Variants in GDAP2 observed in about 807,000 individuals in gnomAD.
The protein encoded by GDAP2 is ganglioside-induced differentiation-associated protein 2.
In GDAP2, 51 loss-of-function variants were observed where a neutral mutation model predicts 67.0. The ratio of observed to expected loss-of-function variants is 0.76; its 90% CI spans 0.61 to 0.96. The LOEUF is 0.96. Ranked by LOEUF, GDAP2 falls within the 40% of genes least tolerant of loss-of-function variation. The probability of loss-of-function intolerance (pLI) is 0.00; values close to 1 mark genes in which losing one functional copy is unlikely to be tolerated. For synonymous variants in GDAP2, 203 were observed against 207.3 expected (o/e 0.98, Z 0.18); for missense variants, 547 against 588.3 (o/e 0.93, Z 0.73).
chr1:117,884,730 G>A (rs1648786589), intron 10 of GDAP2, among the ~76,000 whole-genome samples: 1 of 152,032 alleles, frequency 6.6e-6, no homozygotes, highest in South Asian at 2.1e-4. Context: ...TTATGAAAAT[G>A]AGGGTCACAC....
intron 5 of GDAP2, among the ~76,000 whole-genome samples, chr1:117,910,920 T>C (rs923149580): frequency 6.6e-6 from 1 of 152,246 alleles, no homozygotes; most frequent in Non-Finnish European, 1.5e-5. Flanking sequence ...ATGCAAATTC[T>C]GTATTTATGC....
intron 5 of GDAP2, among the ~76,000 whole-genome samples, chr1:117,911,276 G>T (rs1450501840): frequency 1.3e-5 from 2 of 152,094 alleles, no homozygotes; most frequent in Non-Finnish European, 2.9e-5. Flanking sequence ...TGACATACAG[G>T]CATTTGGCTC....
chr1:117,887,850 C>A (rs1648921094), intron 8 of GDAP2, 76 bp from the exon 9 acceptor site: 3 of 840,548 alleles, frequency 3.6e-6, no homozygotes, highest in South Asian at 1.5e-5. Context: ...ATTTTTAATA[C>A]CCTTCCCTGA....
chr1:117,909,665 C>G (rs1649782762), intron 5 of GDAP2, among the ~76,000 whole-genome samples: 1 of 152,120 alleles, frequency 6.6e-6, no homozygotes, highest in Non-Finnish European at 1.5e-5. Flanking sequence ...CCTAATAAGT[C>G]AAATGTGCCC....
chr1:117,907,978 C>T (rs1649718090), intron 5 of GDAP2, among the ~76,000 whole-genome samples: 1 of 152,094 alleles, frequency 6.6e-6, no homozygotes, highest in South Asian at 2.1e-4. Context: ...ATTATTCCTC[C>T]CACATCTTAT....
intron 3 of GDAP2, among the ~76,000 whole-genome samples, chr1:117,918,387 T>C (rs1027445819): frequency 2.0e-5 from 3 of 152,196 alleles, no homozygotes; most frequent in South Asian, 4.1e-4. Context: ...GTTTTACTGG[T>C]AGTAAATTCT....
In GDAP2 at chr1:117,878,281, G is replaced by A. The variant is rs188252234; in HGVS notation, c.1303-129C>T. ...TTAAAATAACTAGTGTTTTCAAAGC[G>A]CAATCTGAATTTTGCAATCATCAGT... is the stretch of plus-strand genomic sequence containing the variant. On this transcript the variant is annotated intron_variant, in intron 12 of 13. Coordinates refer to ENST00000369443, the MANE Select transcript of GDAP2 (RefSeq NM_017686.4). The A allele has an allele frequency of 9.9e-4, 519 of 522,084 alleles. 4 individuals carry two copies. The Admixed American group carries it at 0.016, about 16-fold the overall frequency. The allele number at this position is 522,084 out of a possible 1,614,324, so 32.3% of individuals were successfully genotyped here. A position where few individuals can be genotyped will look rare whatever the true frequency, so the allele number is the denominator to read the frequency against.
At position 117,867,097 on chromosome 1, in the gene GDAP2, G is replaced by A. The variant is rs1391138548; in HGVS notation, c.*3472C>T. On this transcript the variant is annotated 3_prime_UTR_variant, in exon 14 of 14. Transcript: ENST00000369443. ...TCAATGTATCGGGGAAATACAAAGA[G>A]TGATCTTTAGTTTATGCTGAATACT... 6.6e-6 allele frequency: 1 copy of A among 152,040 alleles called. No homozygotes were observed. The highest frequency in any genetic ancestry group is 2.1e-4 in the South Asian group (1 of 4,826). 9.4% of individuals were successfully genotyped at this position (152,040 alleles called of 1,614,324 possible). A position where few individuals can be genotyped will look rare whatever the true frequency, so the allele number is the denominator to read the frequency against.
intron 10 of GDAP2, 59 bp downstream of exon 10, chr1:117,886,518 T>C: frequency 4.4e-6 from 4 of 914,794 alleles, no homozygotes; most frequent in East Asian, 2.4e-5. Flanking sequence ...TCCAAATTCA[T>C]ATACTACTTA....
chr1:117,896,138 C>T (rs1649252368), intron 8 of GDAP2, among the ~76,000 whole-genome samples: 1 of 152,188 alleles, frequency 6.6e-6, no homozygotes, highest in East Asian at 1.9e-4. Context: ...TGCTAAAGCT[C>T]ATTACATTAC....
At chr1:117,927,278 T>C (rs1413772940) in intron 1 of GDAP2, among the ~76,000 whole-genome samples, 5 of 152,154 alleles carry the variant, frequency 3.3e-5, no homozygotes, top group Admixed American at 3.3e-4. Flanking sequence ...AAATACTGCT[T>C]AATATGAATA....
At position 117,917,095 on chromosome 1, in the gene GDAP2, G is replaced by A. The variant is rs532802675; in HGVS notation, c.316+1502C>T. Among the ~76,000 whole-genome samples, 7 of 151,574 alleles carry A rather than the reference G, an allele frequency of 4.6e-5. No homozygotes were observed. In the East Asian group the frequency reaches 7.7e-4, roughly 17 times the overall value. On this transcript the variant is annotated intron_variant, in intron 3 of 13. Transcript: ENST00000369443. ...ATGGAAAATAATGCCATTTTACTGA[G>A]ACAGAAAGTGTTAATCAAATGATGT...
At chr1:117,916,939 C>G (rs1330664667) in intron 3 of GDAP2, among the ~76,000 whole-genome samples, 6 of 151,432 alleles carry the variant, frequency 4.0e-5, no homozygotes, top group Admixed American at 3.9e-4. Context: ...GAAGCTGAGG[C>G]AGAAGAATCA....
rs781233571 is a variant in GDAP2, at chr1:117,899,139, A to G, written c.714T>C (p.Pro238=). 2.5e-6 allele frequency: 4 copies of G among 1,610,080 alleles called. No individual in the cohort carries two copies. Among genetic ancestry groups the G allele is most frequent in the Non-Finnish European group, 2.6e-6 (3 of 1,176,462 alleles). ...CCCCTTCTGCATTTCCAATATCTGC[A>G]GGTAGGTAGGGCAATGATCGATTCT... ...KEENRSLPYL[P]ADIGNAEGEP... is the part of the protein sequence containing the mutation. The change falls in exon 7 of 14, where the codon CCT becomes CCC. Residue 238 remains proline, a synonymous_variant. Coordinates refer to ENST00000369443, the MANE Select transcript of GDAP2 (RefSeq NM_017686.4).
Position 117,878,260 on chromosome 1 carries a change from A to C in GDAP2, c.1303-108T>G, listed in dbSNP as rs536740849. 3.6e-4 allele frequency: 199 copies of C among 558,762 alleles called. 1 individual carries two copies. The Middle Eastern group carries it at 0.01, about 28-fold the overall frequency. The allele number at this position is 558,762 out of a possible 1,614,324, so 34.6% of individuals were successfully genotyped here. ...TAAAAACTATATTTCAAAGTCTTAA[A>C]ATAACTAGTGTTTTCAAAGCGCAAT... On this transcript the variant is annotated intron_variant, in intron 12 of 13. Transcript: ENST00000369443.
intron 12 of GDAP2, among the ~76,000 whole-genome samples, chr1:117,880,892 C>T (rs924877950): frequency 1.3e-5 from 2 of 152,114 alleles, no homozygotes; most frequent in African/African-American, 4.8e-5. Flanking sequence ...ATGGGATTCA[C>T]AGCACAGGGA....
chr1:117,898,750 A>T (rs972579463), intron 7 of GDAP2, among the ~76,000 whole-genome samples: 2 of 152,226 alleles, frequency 1.3e-5, no homozygotes, highest in Non-Finnish European at 2.9e-5. Context: ...AAAATGTTAG[A>T]CAATAACGTA....
intron 6 of GDAP2, among the ~76,000 whole-genome samples, chr1:117,900,343 A>C (rs889534024): frequency 4.6e-5 from 7 of 152,180 alleles, no homozygotes; most frequent in Admixed American, 3.3e-4. Context: ...CACCACCACT[A>C]TTTAATTCCA....
chr1:117,917,420 A>G (rs899092732), intron 3 of GDAP2, among the ~76,000 whole-genome samples: 9 of 152,250 alleles, frequency 5.9e-5, no homozygotes, highest in South Asian at 2.1e-4. Flanking sequence ...CTAATAACTA[A>G]TACTTGTTGA....
Sources: gnomAD v4.1 joint callset for allele counts (sites outside exome capture counted in the v4.1 genomes callset) on GRCh38, gnomAD v4.1.1 for gene constraint, MANE v1.5 for transcripts, NCBI Gene and HGNC (gene_info 2026-07-23, HGNC 2026-07-21) for gene names.